Variants in PCDHGB7 observed in about 807,000 individuals in gnomAD.
PCDHGB7 encodes protocadherin gamma-B7.
PCDHGB7 carries 37 observed loss-of-function variants against 61.4 expected under a neutral mutation model. The observed-to-expected ratio is 0.60, with a 90% CI of 0.46 to 0.79. PCDHGB7 has a LOEUF of 0.79. Ranked by LOEUF, PCDHGB7 falls within the 30% of genes least tolerant of loss-of-function variation. The pLI is 0.00. For missense variants in PCDHGB7, 1,166 were observed against 1,202.5 expected (o/e 0.97, Z 0.45); for synonymous variants, 464 against 503.5 (o/e 0.92, Z 1.05).
chr5:141,482,529 G>GAAAAAAAA (rs1256461887), intron 1 of PCDHGB7, among the ~76,000 whole-genome samples: 1 of 56,042 alleles, frequency 1.8e-5, no homozygotes, highest in Admixed American at 1.9e-4. Context: ...AGACAGACAT[G>GAAAAAAAA]CAAAAAAAAA....
intron 1 of PCDHGB7, among the ~76,000 whole-genome samples, chr5:141,436,515 G>A (rs1393437693): frequency 6.6e-6 from 1 of 152,160 alleles, no homozygotes; most frequent in Non-Finnish European, 1.5e-5. Context: ...ATTGTTAACT[G>A]TGTCACCTTT....
rs752680691 is a variant in PCDHGB7, at chr5:141,433,173, G to A, written c.2415+12899G>A. Reference sequence around the variant, plus strand: ...TCGGTATTTTCTAAAGACAGTCATGGGTTAATTGAGGTGAGTTTATATCAA... The same window carrying A: ...TCGGTATTTTCTAAAGACAGTCATGAGTTAATTGAGGTGAGTTTATATCAA... On this transcript the variant is annotated intron_variant, in intron 1 of 3. Coordinates refer to ENST00000398594, the MANE Select transcript of PCDHGB7 (RefSeq NM_018927.4). 3.1e-6 allele frequency: 5 copies of A among 1,610,344 alleles called. 1 individual carries two copies. In the Middle Eastern group the frequency reaches 5.0e-4, roughly 160 times the overall value.
Position 141,476,201 on chromosome 5 carries a change from G to C in PCDHGB7, c.2416-18606G>C. ...GCTTCTGCTTGGTGCCTTGAACAAG[G>C]CTTCCACGGTCATTCACTATGAGAT... is the stretch of plus-strand genomic sequence containing the variant. On this transcript the variant is annotated intron_variant, in intron 1 of 3. Coordinates refer to ENST00000398594, the MANE Select transcript of PCDHGB7 (RefSeq NM_018927.4). This position sits in a 1 kb window ranked among gnomAD's most constrained non-coding sequence, Gnocchi z 7.6. 6.2e-7 allele frequency: 1 copy of C among 1,613,986 alleles called. No individual in the cohort carries two copies. The highest frequency in any genetic ancestry group is 8.5e-7 in the Non-Finnish European group (1 of 1,180,028).
In PCDHGB7 at chr5:141,476,254, T is replaced by C; in HGVS notation, c.2416-18553T>C. 1.2e-6 allele frequency: 2 copies of C among 1,613,820 alleles called. No individual in the cohort carries two copies. Among genetic ancestry groups the C allele is most frequent in the Non-Finnish European group, 8.5e-7 (1 of 1,179,976 alleles). On this transcript the variant is annotated intron_variant, in intron 1 of 3. Transcript: ENST00000398594. The surrounding 1 kb of genome is among the most constrained non-coding windows in gnomAD (Gnocchi z 7.6). ...CGGAGGAAAGAGAGAAGGGTTTCGCTGTGGGCAACGTGGTCGCGAACCTTG... is the reference window on the plus strand; with the variant it reads ...CGGAGGAAAGAGAGAAGGGTTTCGCCGTGGGCAACGTGGTCGCGAACCTTG...
Position 141,490,532 on chromosome 5 carries a change from C to T in PCDHGB7, c.2416-4275C>T. Reference sequence around the variant, plus strand: ...GAGCTGCTGGCCAGCGATGCTGGTTCACCTTCCCTACACAAACATCTCACC... The same window carrying T: ...GAGCTGCTGGCCAGCGATGCTGGTTTACCTTCCCTACACAAACATCTCACC... On this transcript the variant is annotated intron_variant, in intron 1 of 3. Coordinates refer to ENST00000398594, the MANE Select transcript of PCDHGB7 (RefSeq NM_018927.4). This position sits in a 1 kb window ranked among gnomAD's most constrained non-coding sequence, Gnocchi z 5.4. 6.2e-7 allele frequency: 1 copy of T among 1,614,142 alleles called. No homozygotes were observed. Among genetic ancestry groups the T allele is most frequent in the Non-Finnish European group, 8.5e-7 (1 of 1,180,030 alleles).
intron 3 of PCDHGB7, 67 bp from the exon 4 acceptor site, chr5:141,510,880 G>A (rs373993657): frequency 1.9e-6 from 3 of 1,611,784 alleles, no homozygotes; most frequent in Admixed American, 3.3e-5. Context: ...AACTGCTGGG[G>A]ATATAAGACA....
At chr5:141,445,046 G>A (rs181806844) in intron 1 of PCDHGB7, among the ~76,000 whole-genome samples, 1 of 152,248 alleles carries the variant, frequency 6.6e-6, no homozygotes, top group East Asian at 1.9e-4. Context: ...AGTTTTCAGT[G>A]TAGAGAGGTC....
chr5:141,478,514 G>A, intron 1 of PCDHGB7: 2 of 1,611,534 alleles, frequency 1.2e-6, no homozygotes, highest in Non-Finnish European at 1.7e-6. Context: ...CTATAGGCAG[G>A]TGTTGGGTGC....
At chr5:141,482,239 A>G (rs529504334) in intron 1 of PCDHGB7, among the ~76,000 whole-genome samples, 31 of 152,332 alleles carry the variant, frequency 2.0e-4, no homozygotes, top group Middle Eastern at 3.4e-3. Context: ...TGCCAATATA[A>G]GTATAGTACT....
intron 1 of PCDHGB7, among the ~76,000 whole-genome samples, chr5:141,483,160 T>C (rs1199191595): frequency 6.6e-6 from 1 of 152,176 alleles, no homozygotes; most frequent in Non-Finnish European, 1.5e-5. Flanking sequence ...AGTTAGATCC[T>C]GAGTTACCTT....
At chr5:141,481,913 C>CAAA (rs34114744) in intron 1 of PCDHGB7, among the ~76,000 whole-genome samples, 3 of 90,796 alleles carry the variant, frequency 3.3e-5, no homozygotes, top group Non-Finnish European at 4.4e-5. Flanking sequence ...AACTCCATCT[C>CAAA]AAAAAAAAAA....
In PCDHGB7 at chr5:141,476,501, A is replaced by G; in HGVS notation, c.2416-18306A>G. 1.2e-6 allele frequency: 2 copies of G among 1,614,026 alleles called. No homozygotes were observed. Among genetic ancestry groups the G allele is most frequent in the Non-Finnish European group, 1.7e-6 (2 of 1,180,006 alleles). On this transcript the variant is annotated intron_variant, in intron 1 of 3. Coordinates refer to ENST00000398594, the MANE Select transcript of PCDHGB7 (RefSeq NM_018927.4). The surrounding 1 kb of genome is among the most constrained non-coding windows in gnomAD (Gnocchi z 7.6). ...CGTGGAAGTGGTGATCCAGGACATCAACGACAACAATCCTGCTTTCCCTAC... is the reference window on the plus strand; with the variant it reads ...CGTGGAAGTGGTGATCCAGGACATCGACGACAACAATCCTGCTTTCCCTAC...
chr5:141,477,502 C>A lies in PCDHGB7; in HGVS notation c.2416-17305C>A, dbSNP rs2099412065. On this transcript the variant is annotated intron_variant, in intron 1 of 3. Coordinates refer to ENST00000398594, the MANE Select transcript of PCDHGB7 (RefSeq NM_018927.4). This position sits in a 1 kb window ranked among gnomAD's most constrained non-coding sequence, Gnocchi z 4.9. ...CTCCACAATCTTCTCAATCTTCCTA[C>A]GACGTTTACATTGAAGAAAACAACC... The A allele has an allele frequency of 9.3e-6, 15 of 1,614,026 alleles. No homozygotes were observed. The highest frequency in any genetic ancestry group is 1.3e-5 in the Non-Finnish European group (15 of 1,180,026).
intron 1 of PCDHGB7, among the ~76,000 whole-genome samples, chr5:141,474,862 T>C (rs1281140736): frequency 6.6e-6 from 1 of 152,264 alleles, no homozygotes; most frequent in Non-Finnish European, 1.5e-5. Context: ...CTTCATTTAA[T>C]AGGATAGGAG....
Position 141,486,886 on chromosome 5 carries a change from G to A in PCDHGB7, c.2416-7921G>A. The A allele has an allele frequency of 1.9e-6, 3 of 1,614,222 alleles. No individual in the cohort carries two copies. The highest frequency in any genetic ancestry group is 2.5e-6 in the Non-Finnish European group (3 of 1,180,044). ...CAGCTGTGCTCCGTCCTCGGGCCCGGCCTGGTTCCTTATGTCCCCAAGCAC... is the reference window on the plus strand; with the variant it reads ...CAGCTGTGCTCCGTCCTCGGGCCCGACCTGGTTCCTTATGTCCCCAAGCAC... On this transcript the variant is annotated intron_variant, in intron 1 of 3. Coordinates refer to ENST00000398594, the MANE Select transcript of PCDHGB7 (RefSeq NM_018927.4). This position sits in a 1 kb window ranked among gnomAD's most constrained non-coding sequence, Gnocchi z 5.0.
chr5:141,506,688 T>G (rs114532236), intron 3 of PCDHGB7, among the ~76,000 whole-genome samples: 2,113 of 152,334 alleles, frequency 0.014, 37 homozygotes, highest in African/African-American at 0.048. Flanking sequence ...TTATCTTTGC[T>G]GACCCAAACC....
At chr5:141,438,749 C>T (rs1238134451) in intron 1 of PCDHGB7, among the ~76,000 whole-genome samples, 3 of 149,226 alleles carry the variant, frequency 2.0e-5, no homozygotes, top group African/African-American at 4.9e-5. Context: ...GCAACCTCTG[C>T]CTCCTGGGTT....
chr5:141,477,970 T>G lies in PCDHGB7; in HGVS notation c.2416-16837T>G. ...TCTTGGGATCCCCTAACCAGAGCCTTTTTGCCATAGGGCTGCACACTGGTC... is the reference window on the plus strand; with the variant it reads ...TCTTGGGATCCCCTAACCAGAGCCTGTTTGCCATAGGGCTGCACACTGGTC... On this transcript the variant is annotated intron_variant, in intron 1 of 3. Coordinates refer to ENST00000398594, the MANE Select transcript of PCDHGB7 (RefSeq NM_018927.4). This position sits in a 1 kb window ranked among gnomAD's most constrained non-coding sequence, Gnocchi z 4.9. 1 of 1,614,090 alleles carries G rather than the reference T, an allele frequency of 6.2e-7. No homozygotes were observed. The highest frequency in any genetic ancestry group is 8.5e-7 in the Non-Finnish European group (1 of 1,180,002).
At chr5:141,494,554 T>C (rs1270280236) in intron 1 of PCDHGB7, among the ~76,000 whole-genome samples, 1 of 152,178 alleles carries the variant, frequency 6.6e-6, no homozygotes, top group African/African-American at 2.4e-5. Flanking sequence ...GGGCCATTTC[T>C]TTAGGAAAGG....
Sources: allele counts gnomAD v4.1 joint callset (sites outside exome capture counted in the v4.1 genomes callset), GRCh38; gene constraint gnomAD v4.1.1; non-coding constraint Gnocchi (gnomAD v3.1); transcripts MANE v1.5; gene names NCBI Gene and HGNC (gene_info 2026-07-23, HGNC 2026-07-21).